TMEM117: variants seen among roughly 807,000 people sequenced by gnomAD.
TMEM117 encodes the protein transmembrane protein 117.
TMEM117 carries 27 observed loss-of-function variants against 52.4 expected under a neutral mutation model. The observed-to-expected ratio is 0.51, with a 90% CI of 0.38 to 0.71. The LOEUF (loss-of-function observed/expected upper bound fraction) is 0.71, where lower values mean the gene tolerates loss of function less well. Among genes scored for constraint, TMEM117 ranks in the 30% least tolerant of loss-of-function variants. The probability of loss-of-function intolerance (pLI) is 0.00; values close to 1 mark genes in which losing one functional copy is unlikely to be tolerated. For missense variants in TMEM117, 556 were observed against 630.5 expected (o/e 0.88, Z 1.26); for synonymous variants, 215 against 206.3 (o/e 1.04, Z -0.36).
chr12:43,842,838 CAT>C (rs1943137687), intron 1 of TMEM117, among the ~76,000 whole-genome samples: 1 of 152,036 alleles, frequency 6.6e-6, no homozygotes, highest in South Asian at 2.1e-4. Flanking sequence ...CTCCAGAAGA[CAT>C]TTAAGGGATG....
At position 44,235,403 on chromosome 12, in the gene TMEM117, C is replaced by T. The variant is rs181299470; in HGVS notation, c.608+24016C>T. On this transcript the variant is annotated intron_variant, in intron 5 of 7. Transcript: ENST00000266534. ...TTTTTTTGGACTGGGACATTTGGCCCATGTGCATTTAATGTAAACACTGAT... is the reference window on the plus strand; with the variant it reads ...TTTTTTTGGACTGGGACATTTGGCCTATGTGCATTTAATGTAAACACTGAT... 6.9e-3 allele frequency among the ~76,000 whole-genome samples: 1,042 copies of T among 151,314 alleles called. 4 individuals are homozygous for T. The highest frequency in any genetic ancestry group is 0.013 in the Admixed American group (202 of 15,192).
intron 6 of TMEM117, among the ~76,000 whole-genome samples, chr12:44,324,238 G>T (rs765558683): frequency 4.2e-4 from 64 of 152,060 alleles, no homozygotes; most frequent in Admixed American, 8.5e-4. Context: ...GTTGACTTCT[G>T]CTTGCCTGTA....
At chr12:44,264,162 T>G (rs534974553) in intron 5 of TMEM117, among the ~76,000 whole-genome samples, 10 of 152,290 alleles carry the variant, frequency 6.6e-5, no homozygotes, top group African/African-American at 2.4e-4. Flanking sequence ...TAACCTATTT[T>G]TTTCTGACAA....
At chr12:43,991,113 A>C (rs186884847) in intron 3 of TMEM117, among the ~76,000 whole-genome samples, 32 of 152,328 alleles carry the variant, frequency 2.1e-4, no homozygotes, top group African/African-American at 7.7e-4. Flanking sequence ...TAGCCAGAGA[A>C]TATGGTGACT....
At chr12:44,027,912 A>G (rs1453957741) in intron 3 of TMEM117, among the ~76,000 whole-genome samples, 1 of 152,194 alleles carries the variant, frequency 6.6e-6, no homozygotes, top group Non-Finnish European at 1.5e-5. Flanking sequence ...TTACTGTCAA[A>G]AAGCTGTTTG....
At chr12:44,290,763 G>A (rs1396314779) in intron 5 of TMEM117, among the ~76,000 whole-genome samples, 3 of 152,100 alleles carry the variant, frequency 2.0e-5, no homozygotes, top group Admixed American at 2.0e-4. Flanking sequence ...TCAGCTTCTG[G>A]AGTTGCTGGG....
At chr12:44,023,222 C>T (rs939094652) in intron 3 of TMEM117, among the ~76,000 whole-genome samples, 5 of 152,124 alleles carry the variant, frequency 3.3e-5, no homozygotes, top group African/African-American at 1.2e-4. Context: ...TCCAGTCTAT[C>T]GTTGTTGGAC....
chr12:44,335,841 A>C (rs1951334345), intron 6 of TMEM117, among the ~76,000 whole-genome samples: 1 of 152,042 alleles, frequency 6.6e-6, no homozygotes, highest in Admixed American at 6.6e-5. Context: ...GAATACATTA[A>C]TTGTCTTATG....
intron 6 of TMEM117, among the ~76,000 whole-genome samples, chr12:44,305,618 C>T (rs1448732850): frequency 6.6e-6 from 1 of 151,918 alleles, no homozygotes; most frequent in Non-Finnish European, 1.5e-5. Flanking sequence ...CATCTCACAG[C>T]TGTCAGTCTG....
Position 44,330,749 on chromosome 12 carries a change from G to T in TMEM117, c.768+31010G>T, listed in dbSNP as rs554594007. On this transcript the variant is annotated intron_variant, in intron 6 of 7. Coordinates refer to ENST00000266534, the MANE Select transcript of TMEM117 (RefSeq NM_032256.3). ...AACAACCAATGATCATATGTGATTT[G>T]CAGAAATCCTATGTCCATAGGCAGC... 7.9e-5 allele frequency among the ~76,000 whole-genome samples: 12 copies of T among 152,046 alleles called. No individual in the cohort carries two copies. In the South Asian group the frequency reaches 2.5e-3, roughly 32 times the overall value.
At chr12:43,898,044 GCACGCA>G (rs1387129901) in intron 2 of TMEM117, among the ~76,000 whole-genome samples, 7 of 127,854 alleles carry the variant, frequency 5.5e-5, no homozygotes, top group Middle Eastern at 4.3e-3. Context: ...ACACACACAC[GCACGCA>G]CACACACACA....
intron 2 of TMEM117, among the ~76,000 whole-genome samples, chr12:43,891,367 A>ATGTTTTTTTTTTT (rs1944100260): frequency 1.7e-5 from 1 of 57,804 alleles, no homozygotes; most frequent in Non-Finnish European, 3.1e-5. Context: ...TACCTCTTGA[A>ATGTTTTTTTTTTT]TTTTTTTTTT....
intron 3 of TMEM117, among the ~76,000 whole-genome samples, chr12:44,066,964 T>C (rs886976338): frequency 3.0e-4 from 46 of 152,340 alleles, no homozygotes; most frequent in African/African-American, 1.1e-3. Flanking sequence ...TGCTGCTTCT[T>C]TGTCAACTAA....
chr12:44,161,701 C>G (rs1948900705), intron 4 of TMEM117, among the ~76,000 whole-genome samples: 1 of 152,124 alleles, frequency 6.6e-6, no homozygotes, highest in Non-Finnish European at 1.5e-5. Context: ...GGACTTATCA[C>G]ATGTTGTCTG....
intron 6 of TMEM117, among the ~76,000 whole-genome samples, chr12:44,337,260 G>A (rs1372303501): frequency 6.6e-6 from 1 of 152,004 alleles, no homozygotes; most frequent in Non-Finnish European, 1.5e-5. Context: ...ATCTTCCAGA[G>A]AGCAAGAAGG....
At chr12:44,051,445 A>G (rs1167000033) in intron 3 of TMEM117, among the ~76,000 whole-genome samples, 10 of 152,210 alleles carry the variant, frequency 6.6e-5, no homozygotes, top group Admixed American at 6.5e-4. Flanking sequence ...GAATAATAAA[A>G]TATACTTGAA....
At chr12:43,861,698 G>T (rs1263552767) in intron 2 of TMEM117, among the ~76,000 whole-genome samples, 1 of 152,154 alleles carries the variant, frequency 6.6e-6, no homozygotes, top group African/African-American at 2.4e-5. Context: ...TGCAAGAAAG[G>T]GTAGTAAAAG....
At chr12:44,231,616 C>T (rs946288910) in intron 5 of TMEM117, among the ~76,000 whole-genome samples, 1 of 151,804 alleles carries the variant, frequency 6.6e-6, no homozygotes, top group Admixed American at 6.6e-5. Context: ...TTGTTCTACC[C>T]GTTTCCTTCA....
chr12:44,137,309 G>C (rs1244113876), intron 3 of TMEM117, among the ~76,000 whole-genome samples: 1 of 152,032 alleles, frequency 6.6e-6, no homozygotes, highest in East Asian at 1.9e-4. Context: ...GTAATCTCAA[G>C]CCAGAAGACA....
Sources: gnomAD v4.1 joint callset for allele counts (sites outside exome capture counted in the v4.1 genomes callset) on GRCh38, gnomAD v4.1.1 for gene constraint, MANE v1.5 for transcripts, NCBI Gene and HGNC (gene_info 2026-07-23, HGNC 2026-07-21) for gene names.